RCAN1: variants seen among roughly 807,000 people sequenced by gnomAD.
The protein encoded by RCAN1 is regulator of calcineurin 1, also known as calcipressin-1.
A neutral mutation model predicts 22.9 loss-of-function variants in RCAN1; 11 were observed. That is an observed-to-expected ratio of 0.48 (90% confidence interval 0.30 to 0.79). The LOEUF is 0.79. Ranked by LOEUF, RCAN1 falls within the 30% of genes least tolerant of loss-of-function variation. The probability of loss-of-function intolerance (pLI) is 0.06; values close to 1 mark genes in which losing one functional copy is unlikely to be tolerated. For missense variants in RCAN1, 291 were observed against 337.8 expected, an observed-to-expected ratio of 0.86 and a Z score of 1.09; for synonymous variants, 136 against 142.3, an observed-to-expected ratio of 0.96 and a Z score of 0.32.
At chr21:34,579,470 C>T (rs1296350353) in intron 1 of RCAN1, among the ~76,000 whole-genome samples, 4 of 152,140 alleles carry the variant, frequency 2.6e-5, no homozygotes, top group Admixed American at 2.6e-4. Flanking sequence ...AGCACCAGGG[C>T]ATCTGAATTT....
At chr21:34,558,513 C>T (rs371719947) in intron 1 of RCAN1, among the ~76,000 whole-genome samples, 5 of 152,332 alleles carry the variant, frequency 3.3e-5, no homozygotes, top group East Asian at 1.9e-4. Flanking sequence ...TTTAAGAAGG[C>T]AGGGTTGGAC....
At chr21:34,539,268 A>G (rs564338920) in intron 1 of RCAN1, among the ~76,000 whole-genome samples, 1 of 152,352 alleles carries the variant, frequency 6.6e-6, no homozygotes, top group South Asian at 2.1e-4. Context: ...TGTAAATAAA[A>G]TACATCAAGA....
chr21:34,606,428 C>T (rs758178539), intron 1 of RCAN1, among the ~76,000 whole-genome samples: 18 of 152,144 alleles, frequency 1.2e-4, no homozygotes, highest in Non-Finnish European at 1.9e-4. Flanking sequence ...ACACTGACCC[C>T]GGCTAGGTGC....
In RCAN1 at chr21:34,602,570, A is replaced by G. The variant is rs946245419; in HGVS notation, c.252+12190T>C. Reference sequence around the variant, plus strand: ...TGCACAGCAGTTTTACTGATTGCGGACCAGACCACCTGAGATCTACAGGTT... The same window carrying G: ...TGCACAGCAGTTTTACTGATTGCGGGCCAGACCACCTGAGATCTACAGGTT... On this transcript the variant is annotated intron_variant, in intron 1 of 3. Coordinates refer to ENST00000313806, the MANE Select transcript of RCAN1 (RefSeq NM_004414.7). Among the ~76,000 whole-genome samples, 8 of 151,992 alleles carry G rather than the reference A, an allele frequency of 5.3e-5. No homozygotes were observed. In the East Asian group the frequency reaches 1.5e-3, roughly 29 times the overall value.
intron 1 of RCAN1, among the ~76,000 whole-genome samples, chr21:34,554,606 A>G (rs1986487023): frequency 6.6e-6 from 1 of 152,262 alleles, no homozygotes; most frequent in South Asian, 2.1e-4. Context: ...CGTGTGAAGT[A>G]GTCTTGTCCA....
At position 34,563,753 on chromosome 21, in the gene RCAN1, C is replaced by G. The variant is rs1297660118; in HGVS notation, c.253-40043G>C. ...GTGAAACCCATCTCTACTAAAAATA[C>G]CAAAAAAAAAAAAAAAAATATATAT... On this transcript the variant is annotated intron_variant, in intron 1 of 3. Coordinates refer to ENST00000313806, the MANE Select transcript of RCAN1 (RefSeq NM_004414.7). Among the ~76,000 whole-genome samples the G allele has an allele frequency of 4.0e-4, 10 of 24,938 alleles. No individual in the cohort carries two copies. In the East Asian group the frequency reaches 6.2e-3, roughly 15 times the overall value. The allele number at this position is 24,938 out of a possible 152,430, so 16.4% of individuals were successfully genotyped here. A position where few individuals can be genotyped will look rare whatever the true frequency, so the allele number is the denominator to read the frequency against.
intron 1 of RCAN1, among the ~76,000 whole-genome samples, chr21:34,601,109 G>T (rs1214378721): frequency 6.6e-6 from 1 of 152,202 alleles, no homozygotes; most frequent in Admixed American, 6.5e-5. Flanking sequence ...TGTTCATGAT[G>T]ATGTTTTACT....
chr21:34,595,582 G>A (rs1281030253), intron 1 of RCAN1, among the ~76,000 whole-genome samples: 5 of 152,128 alleles, frequency 3.3e-5, no homozygotes, highest in East Asian at 1.9e-4. Flanking sequence ...TTGCTGTTAC[G>A]TAAGCCAGTG....
rs912735019 is a variant in RCAN1 at position 34,614,673 on chromosome 21, C to T, written c.252+87G>A. ...GCTGCCTCCCCGCCCCGCGCGCGGC[C>T]GGGACTGGGCGCTGCGACCCGCGCC... is the stretch of plus-strand genomic sequence containing the variant. On this transcript the variant is annotated intron_variant, in intron 1 of 3. Transcript: ENST00000313806. This position sits in a 1 kb window ranked among gnomAD's most constrained non-coding sequence, Gnocchi z 6.0. 1.7e-5 allele frequency: 20 copies of T among 1,196,012 alleles called. No homozygotes were observed. Among genetic ancestry groups the T allele is most frequent in the Non-Finnish European group, 1.9e-5 (18 of 964,500 alleles). 74.1% of individuals were successfully genotyped at this position (1,196,012 alleles called of 1,614,324 possible).
chr21:34,557,118 C>A (rs57355650), intron 1 of RCAN1, among the ~76,000 whole-genome samples: 36,712 of 151,978 alleles, frequency 0.24, 5,159 homozygotes, highest in African/African-American at 0.39. Flanking sequence ...GAGGCTGAGG[C>A]AGGAGAATTT....
chr21:34,591,449 G>A (rs1322834099), intron 1 of RCAN1, among the ~76,000 whole-genome samples: 1 of 152,172 alleles, frequency 6.6e-6, no homozygotes, highest in Non-Finnish European at 1.5e-5. Flanking sequence ...CCAGGAGAAG[G>A]CAAGCATGGG....
intron 1 of RCAN1, among the ~76,000 whole-genome samples, chr21:34,583,403 C>T (rs1398704911): frequency 6.6e-6 from 1 of 152,136 alleles, no homozygotes; most frequent in Non-Finnish European, 1.5e-5. Flanking sequence ...TCTCAAACGC[C>T]TGGCCTCAGG....
intron 1 of RCAN1, among the ~76,000 whole-genome samples, chr21:34,549,588 T>G (rs1286075317): frequency 6.6e-6 from 1 of 152,130 alleles, no homozygotes; most frequent in African/African-American, 2.4e-5. Flanking sequence ...CTAAAACAGG[T>G]AAGCAAAATA....
In RCAN1 at chr21:34,517,785, A is replaced by G; in HGVS notation, c.*299T>C. The G allele has an allele frequency of 2.9e-6, 1 of 349,302 alleles. No homozygotes were observed. The highest frequency in any genetic ancestry group is 4.1e-5 in the South Asian group (1 of 24,242). The allele number at this position is 349,302 out of a possible 1,614,324, so 21.6% of individuals were successfully genotyped here. A position where few individuals can be genotyped will look rare whatever the true frequency, so the allele number is the denominator to read the frequency against. On this transcript the variant is annotated 3_prime_UTR_variant, in exon 4 of 4. Coordinates refer to ENST00000313806, the MANE Select transcript of RCAN1 (RefSeq NM_004414.7). ...TTGGCACAGACAGAACCTACCAGAAAAGAACAAGTACAAAACACTATCATT... is the reference window on the plus strand; with the variant it reads ...TTGGCACAGACAGAACCTACCAGAAGAGAACAAGTACAAAACACTATCATT...
chr21:34,564,116 G>T (rs1459271419), intron 1 of RCAN1, among the ~76,000 whole-genome samples: 1 of 152,092 alleles, frequency 6.6e-6, no homozygotes, highest in African/African-American at 2.4e-5. Flanking sequence ...GAGAATGAGT[G>T]CCAGCAGGGG....
At position 34,530,626 on chromosome 21, in the gene RCAN1, T is replaced by TTTGTTTGTTTTG. The variant is rs1555856754; in HGVS notation, c.253-6917_253-6916insCAAAACAAACAA. Reference sequence around the variant, plus strand: ...TAAGATAGTGAAATAGTTTTTTTTTTTTTTTTTTTTTTTTTTTGAGACAGT... The same window carrying TTTGTTTGTTTTG: ...TAAGATAGTGAAATAGTTTTTTTTTTTTGTTTGTTTTGTTTTTTTTTTTTTTTTTGAGACAGT... On this transcript the variant is annotated intron_variant, in intron 1 of 3. Coordinates refer to ENST00000313806, the MANE Select transcript of RCAN1 (RefSeq NM_004414.7). Among the ~76,000 whole-genome samples, 56 of 127,676 alleles carry TTTGTTTGTTTTG rather than the reference T, an allele frequency of 4.4e-4. 1 individual carries two copies. The highest frequency in any genetic ancestry group is 2.4e-3 in the East Asian group (9 of 3,688). The allele number at this position is 127,676 out of a possible 152,430, so 83.8% of individuals were successfully genotyped here. A position where few individuals can be genotyped will look rare whatever the true frequency, so the allele number is the denominator to read the frequency against.
intron 1 of RCAN1, among the ~76,000 whole-genome samples, chr21:34,579,759 T>A (rs1351770233): frequency 6.6e-6 from 1 of 152,120 alleles, no homozygotes; most frequent in African/African-American, 2.4e-5. Flanking sequence ...CAGTCTCCCA[T>A]TTCCTTCAAA....
intron 1 of RCAN1, among the ~76,000 whole-genome samples, chr21:34,566,064 G>C (rs1441008150): frequency 6.6e-6 from 1 of 152,166 alleles, no homozygotes; most frequent in Non-Finnish European, 1.5e-5. Context: ...GATATTTCTG[G>C]CCTAAGGGAA....
chr21:34,554,544 A>G (rs1207826291), intron 1 of RCAN1, among the ~76,000 whole-genome samples: 1 of 152,194 alleles, frequency 6.6e-6, no homozygotes, highest in Non-Finnish European at 1.5e-5. Flanking sequence ...GAAGGAGACA[A>G]TCAGTGATCA....
Sources: gnomAD v4.1 joint callset for allele counts (sites outside exome capture counted in the v4.1 genomes callset) on GRCh38, gnomAD v4.1.1 for gene constraint, Gnocchi (gnomAD v3.1) non-coding constraint, MANE v1.5 for transcripts, NCBI Gene and HGNC (gene_info 2026-07-23, HGNC 2026-07-21) for gene names.